The following SERPING1 variants were observed in gnomAD, a reference collection of about 807,000 sequenced individuals.
The protein encoded by SERPING1 is serpin family G member 1.
A neutral mutation model predicts 34.1 loss-of-function variants in SERPING1; 5 were observed. The observed-to-expected ratio is 0.15, with a 90% CI of 0.08 to 0.31. The LOEUF (loss-of-function observed/expected upper bound fraction) is 0.31. Among genes scored for constraint, SERPING1 ranks in the 10% least tolerant of loss-of-function variants. The pLI is 1.00. For missense variants in SERPING1, 505 were observed against 609.5 expected (o/e 0.83, Z 1.81); for synonymous variants, 225 against 242.4 (o/e 0.93, Z 0.67).
intron 6 of SERPING1, among the ~76,000 whole-genome samples, chr11:57,610,181 C>T (rs182999314): frequency 2.0e-5 from 3 of 152,322 alleles, no homozygotes; most frequent in Admixed American, 2.0e-4. Context: ...AACAAACATA[C>T]AGGTTACCCT....
intron 3 of SERPING1, among the ~76,000 whole-genome samples, chr11:57,601,349 C>T (rs899349476): frequency 1.1e-4 from 16 of 148,858 alleles, no homozygotes; most frequent in Non-Finnish European, 1.5e-5. Context: ...TGCAGTGAGC[C>T]GAAATCATGC....
intron 4 of SERPING1, among the ~76,000 whole-genome samples, chr11:57,602,545 A>C (rs959786152): frequency 2.0e-5 from 3 of 151,404 alleles, no homozygotes; most frequent in Non-Finnish European, 2.9e-5. Context: ...TCACGAGGTC[A>C]GGGGTTCGAG....
At chr11:57,604,500 G>A (rs1945386467) in intron 4 of SERPING1, among the ~76,000 whole-genome samples, 1 of 151,986 alleles carries the variant, frequency 6.6e-6, no homozygotes, top group South Asian at 2.1e-4. Flanking sequence ...CTGTGAGAGG[G>A]AAACGGACCA....
chr11:57,603,147 C>T (rs562129883), intron 4 of SERPING1, among the ~76,000 whole-genome samples: 20 of 150,950 alleles, frequency 1.3e-4, no homozygotes, highest in African/African-American at 4.6e-4. Context: ...GCAGGAGAAT[C>T]GCTTGAACCC....
In SERPING1 at chr11:57,606,469, C is replaced by T. The variant is rs1413541013; in HGVS notation, c.951C>T (p.Asn317=). Residue 317 remains asparagine, a synonymous_variant, in exon 6 of 8, where the codon AAC becomes AAT. Coordinates refer to ENST00000278407, the MANE Select transcript of SERPING1 (RefSeq NM_000062.3). ...KTRMEPFHFK[N]SVIKVPMMNS... is the part of the protein sequence containing the mutation. ...GAATGGAACCCTTTCACTTCAAAAA[C>T]TCAGTTATAAAAGTGCCCATGATGA... The T allele has an allele frequency of 6.2e-7, 1 of 1,614,174 alleles. No homozygotes were observed. The highest frequency in any genetic ancestry group is 8.5e-7 in the Non-Finnish European group (1 of 1,180,006).
At chr11:57,602,611 TG>T (rs1945361897) in intron 4 of SERPING1, among the ~76,000 whole-genome samples, 1 of 151,172 alleles carries the variant, frequency 6.6e-6, no homozygotes, top group African/African-American at 2.4e-5. Context: ...AAAAATTAGC[TG>T]GGCATGGTGG....
intron 7 of SERPING1, 99 bp from the exon 8 acceptor site, chr11:57,614,229 G>C: frequency 1.4e-6 from 2 of 1,451,838 alleles, no homozygotes; most frequent in South Asian, 2.3e-5. Flanking sequence ...AGAGAGCACT[G>C]GGACTCAGGA....
intron 6 of SERPING1, among the ~76,000 whole-genome samples, chr11:57,608,927 G>A (rs868602978): frequency 6.6e-6 from 1 of 151,610 alleles, no homozygotes; most frequent in Non-Finnish European, 1.5e-5. Flanking sequence ...ACTAACAAAT[G>A]CAAAATTAAA....
chr11:57,601,929 C>T, intron 3 of SERPING1, 106 bp from the exon 4 acceptor site: 1 of 1,169,750 alleles, frequency 8.5e-7, no homozygotes, highest in East Asian at 2.6e-5. Flanking sequence ...TGATCCCCTC[C>T]AAAGCAGGGA....
chr11:57,612,145 T>G (rs542731841), intron 7 of SERPING1, among the ~76,000 whole-genome samples: 3 of 152,252 alleles, frequency 2.0e-5, no homozygotes, highest in South Asian at 2.1e-4. Context: ...TACCCAGAGA[T>G]TCCATGATTT....
At chr11:57,604,499 G>A (rs1945386437) in intron 4 of SERPING1, among the ~76,000 whole-genome samples, 2 of 152,006 alleles carry the variant, frequency 1.3e-5, no homozygotes, top group Non-Finnish European at 2.9e-5. Flanking sequence ...CCTGTGAGAG[G>A]GAAACGGACC....
At chr11:57,598,145 A>T in intron 1 of SERPING1, 104 bp from the exon 2 acceptor site, 1 of 818,464 alleles carries the variant, frequency 1.2e-6, no homozygotes, top group Non-Finnish European at 1.9e-6. Flanking sequence ...GAATTCGCTA[A>T]GAGGGACTGG....
rs748636164 is a variant in SERPING1 at position 57,602,087 on chromosome 11, G to A, written c.603G>A (p.Lys201=). ...TNLESILSYP[K]DFTCVHQALK... ...TGGAGAGCATCCTCTCTTACCCCAA[G>A]GACTTCACCTGTGTCCACCAGGCCC... is the stretch of plus-strand genomic sequence containing the variant. The change falls in exon 4 of 8, where the codon AAG becomes AAA. Residue 201 remains lysine, a synonymous_variant. Transcript: ENST00000278407. 3.1e-6 allele frequency: 5 copies of A among 1,614,006 alleles called. No homozygotes were observed. Among genetic ancestry groups the A allele is most frequent in the Admixed American group, 1.7e-5 (1 of 59,986 alleles).
chr11:57,609,152 G>A (rs1043580695), intron 6 of SERPING1, among the ~76,000 whole-genome samples: 1 of 151,710 alleles, frequency 6.6e-6, no homozygotes, highest in Admixed American at 6.6e-5. Flanking sequence ...GGTGGCACAT[G>A]TCTGTAATCC....
intron 4 of SERPING1, among the ~76,000 whole-genome samples, chr11:57,605,231 A>C (rs1485099131): frequency 1.3e-5 from 2 of 152,144 alleles, no homozygotes; most frequent in African/African-American, 4.8e-5. Flanking sequence ...CTAGCTGCAC[A>C]CTGGAGCTGT....
intron 6 of SERPING1, chr11:57,611,359 C>A: frequency 3.0e-6 from 1 of 330,198 alleles, no homozygotes. Context: ...GACCTGATAA[C>A]TCTGGCGGTT....
Position 57,598,294 on chromosome 11 carries a change from G to T in SERPING1, c.24G>T (p.Leu8=). 1 of 1,564,502 alleles carries T rather than the reference G, an allele frequency of 6.4e-7. No individual in the cohort carries two copies. MASRLTL[L]TLLLLLLAGD... The stretch of plus-strand genomic sequence containing the variant: ...AGATGGCCTCCAGGCTGACCCTGCT[G>T]ACCCTCCTGCTGCTGCTGCTGGCTG... Residue 8 remains leucine, a synonymous_variant, in exon 2 of 8, where the codon CTG becomes CTT. Coordinates refer to ENST00000278407, the MANE Select transcript of SERPING1 (RefSeq NM_000062.3).
Position 57,600,395 on chromosome 11 carries a change from T to C in SERPING1, c.550+18T>C, listed in dbSNP as rs1945334797. The C allele has an allele frequency of 6.2e-7, 1 of 1,611,888 alleles. No homozygotes were observed. Among genetic ancestry groups the C allele is most frequent in the Admixed American group, 1.7e-5 (1 of 59,982 alleles). ...CCTGCTCGGTAAGACCCTGCTTGAA[T>C]TCTCTCCAGGTCATTTGTTGGACAC... On this transcript the variant is annotated intron_variant, in intron 3 of 7. Transcript: ENST00000278407.
chr11:57,614,079 A>G (rs1392358680), intron 7 of SERPING1, among the ~76,000 whole-genome samples: 2 of 152,098 alleles, frequency 1.3e-5, no homozygotes, highest in Non-Finnish European at 2.9e-5. Flanking sequence ...AGGCAATGAC[A>G]TCATTTTTCA....
Sources: gnomAD v4.1 joint callset for allele counts (sites outside exome capture counted in the v4.1 genomes callset) on GRCh38, gnomAD v4.1.1 for gene constraint, MANE v1.5 for transcripts, NCBI Gene and HGNC (gene_info 2026-07-23, HGNC 2026-07-21) for gene names.